The following CCDC91 variants were observed in gnomAD, a reference collection of about 807,000 sequenced individuals.
The protein encoded by CCDC91 is coiled-coil domain-containing protein 91.
Under a neutral mutation model 63.2 loss-of-function variants are expected in CCDC91, and 48 were observed. The ratio of observed to expected loss-of-function variants is 0.76; its 90% CI spans 0.60 to 0.97. The LOEUF is 0.97. Among genes scored for constraint, CCDC91 ranks in the 50% least tolerant of loss-of-function variants. The pLI is 0.00. For synonymous variants in CCDC91, 167 were observed against 165.8 expected, an observed-to-expected ratio of 1.01 and a Z score of -0.06; for missense variants, 500 against 494.6, an observed-to-expected ratio of 1.01 and a Z score of -0.10.
rs1304318111 is a variant in CCDC91, at chr12:28,549,963, T to C, written c.*790T>C. The C allele has an allele frequency of 6.6e-6, 1 of 152,516 alleles. No homozygotes were observed. Among genetic ancestry groups the C allele is most frequent in the Non-Finnish European group, 1.5e-5 (1 of 67,994 alleles). 9.4% of individuals were successfully genotyped at this position (152,516 alleles called of 1,614,324 possible). The stretch of plus-strand genomic sequence containing the variant: ...AGGTTCAAGTACAGGATATATGAAA[T>C]CTTTTCCCAGTATTTCAGAATGTAC... On this transcript the variant is annotated 3_prime_UTR_variant, in exon 13 of 13. Transcript: ENST00000536442.
intron 3 of CCDC91, 91 bp from the exon 4 acceptor site, chr12:28,305,555 CTCT>C: frequency 9.3e-7 from 1 of 1,071,216 alleles, no homozygotes. Context: ...TTTTCTTTTC[CTCT>C]ATTTCAGCTC....
chr12:28,519,743 C>G (rs533792765), intron 12 of CCDC91, among the ~76,000 whole-genome samples: 1 of 135,664 alleles, frequency 7.4e-6, no homozygotes, highest in Non-Finnish European at 1.6e-5. Flanking sequence ...CAACAGGCCC[C>G]GGTGTGTGAT....
chr12:28,460,177 C>T (rs1040396052), intron 11 of CCDC91, among the ~76,000 whole-genome samples: 2 of 151,916 alleles, frequency 1.3e-5, no homozygotes, highest in African/African-American at 4.8e-5. Context: ...GTCTTGGGAC[C>T]ATATATGTAG....
At position 28,391,422 on chromosome 12, in the gene CCDC91, T is replaced by G. The variant is rs752424139; in HGVS notation, c.762+11T>G. The G allele has an allele frequency of 8.2e-6, 12 of 1,457,382 alleles. No individual in the cohort carries two copies. Among genetic ancestry groups the G allele is most frequent in the Non-Finnish European group, 1.2e-5 (12 of 1,037,494 alleles). The allele number at this position is 1,457,382 out of a possible 1,614,324, so 90.3% of individuals were successfully genotyped here. ...TTGCTAAATGCTCAGGTAATAAAAGTGCACATCCATTATATATTTATACTT... is the reference window on the plus strand; with the variant it reads ...TTGCTAAATGCTCAGGTAATAAAAGGGCACATCCATTATATATTTATACTT... On this transcript the variant is annotated intron_variant, in intron 8 of 12. Coordinates refer to ENST00000536442, the MANE Select transcript of CCDC91 (RefSeq NM_018318.5).
intron 6 of CCDC91, among the ~76,000 whole-genome samples, chr12:28,328,296 T>C (rs1941198988): frequency 6.6e-6 from 1 of 152,156 alleles, no homozygotes; most frequent in Non-Finnish European, 1.5e-5. Context: ...CATTTACTTA[T>C]TTGCAACTCA....
intron 3 of CCDC91, among the ~76,000 whole-genome samples, chr12:28,305,065 A>G (rs1938559992): frequency 6.6e-6 from 1 of 152,152 alleles, no homozygotes; most frequent in South Asian, 2.1e-4. Context: ...GTTTGTTACA[A>G]AAGAGACTTT....
intron 12 of CCDC91, among the ~76,000 whole-genome samples, chr12:28,496,123 G>T (rs1033420719): frequency 3.3e-5 from 5 of 151,656 alleles, no homozygotes; most frequent in East Asian, 2.0e-4. Flanking sequence ...TTATTAAAAC[G>T]ATATTAGGTA....
At chr12:28,316,354 A>G (rs1470087327) in intron 6 of CCDC91, among the ~76,000 whole-genome samples, 3 of 151,310 alleles carry the variant, frequency 2.0e-5, no homozygotes, top group Non-Finnish European at 4.4e-5. Flanking sequence ...TTTAGTTTAA[A>G]TAATCATTTC....
chr12:28,296,931 A>G (rs1458730307), intron 3 of CCDC91, among the ~76,000 whole-genome samples: 1 of 151,914 alleles, frequency 6.6e-6, no homozygotes, highest in Non-Finnish European at 1.5e-5. Flanking sequence ...TCAACAACAT[A>G]GACCTGAAAA....
At chr12:28,537,847 G>T (rs1250799275) in intron 12 of CCDC91, among the ~76,000 whole-genome samples, 3 of 152,100 alleles carry the variant, frequency 2.0e-5, no homozygotes, top group African/African-American at 7.2e-5. Flanking sequence ...TGATGATTTC[G>T]CCCAATAACT....
At chr12:28,539,938 G>T (rs535096679) in intron 12 of CCDC91, among the ~76,000 whole-genome samples, 1 of 152,112 alleles carries the variant, frequency 6.6e-6, no homozygotes, top group African/African-American at 2.4e-5. Flanking sequence ...GAAAAAGTCT[G>T]TTCACAGTAA....
chr12:28,329,103 G>A (rs1198629716), intron 6 of CCDC91, among the ~76,000 whole-genome samples: 1 of 152,076 alleles, frequency 6.6e-6, no homozygotes. Context: ...GGAAAATAAA[G>A]AAGTCTTCCT....
At chr12:28,228,297 C>T (rs1944394721) in intron 1 of CCDC91, among the ~76,000 whole-genome samples, 1 of 152,014 alleles carries the variant, frequency 6.6e-6, no homozygotes, top group Non-Finnish European at 1.5e-5. Flanking sequence ...CTTAGATATC[C>T]TCACCCATGA....
chr12:28,501,882 G>A (rs1281562546), intron 12 of CCDC91, among the ~76,000 whole-genome samples: 8 of 151,522 alleles, frequency 5.3e-5, no homozygotes, highest in Non-Finnish European at 1.2e-4. Context: ...CACAATTTCA[G>A]AGCCTGTTAT....
At chr12:28,237,910 A>G (rs1212582166) in intron 1 of CCDC91, among the ~76,000 whole-genome samples, 1 of 152,106 alleles carries the variant, frequency 6.6e-6, no homozygotes, top group African/African-American at 2.4e-5. Flanking sequence ...TTTTACTATT[A>G]TTACATCCTT....
intron 1 of CCDC91, among the ~76,000 whole-genome samples, chr12:28,205,375 C>T (rs117929597): frequency 0.012 from 1,800 of 151,890 alleles, 14 homozygotes; most frequent in South Asian, 0.02. Context: ...ACAGGTTATT[C>T]ATACTAAAGT....
At chr12:28,477,259 A>G (rs1951152953) in intron 11 of CCDC91, among the ~76,000 whole-genome samples, 1 of 152,164 alleles carries the variant, frequency 6.6e-6, no homozygotes, top group African/African-American at 2.4e-5. Flanking sequence ...GCATATCAAA[A>G]AGCTTATCCA....
At chr12:28,346,569 T>C (rs1166781317) in intron 6 of CCDC91, among the ~76,000 whole-genome samples, 1 of 152,238 alleles carries the variant, frequency 6.6e-6, no homozygotes, top group Non-Finnish European at 1.5e-5. Flanking sequence ...ATTCGTTTTT[T>C]GCTTTTTTAT....
At chr12:28,296,234 G>A (rs1378671922) in intron 3 of CCDC91, among the ~76,000 whole-genome samples, 1 of 151,510 alleles carries the variant, frequency 6.6e-6, no homozygotes, top group Non-Finnish European at 1.5e-5. Flanking sequence ...GACTATGCTA[G>A]CAAAAGATTA....
Sources: gnomAD v4.1 joint callset for allele counts (sites outside exome capture counted in the v4.1 genomes callset) on GRCh38, gnomAD v4.1.1 for gene constraint, MANE v1.5 for transcripts, NCBI Gene and HGNC (gene_info 2026-07-23, HGNC 2026-07-21) for gene names.